Variants in TSGA10 observed in about 807,000 individuals in gnomAD.
TSGA10 encodes testis specific 10, also known as testis-specific gene 10 protein.
In TSGA10, 43 loss-of-function variants were observed where a neutral mutation model predicts 96.6. The ratio of observed to expected loss-of-function variants is 0.44; its 90% CI spans 0.35 to 0.57. The LOEUF is 0.57. Ranked by LOEUF, TSGA10 falls within the 20% of genes least tolerant of loss-of-function variation. TSGA10 has a pLI of 0.01. For missense variants in TSGA10, 703 were observed against 834.4 expected (o/e 0.84, Z 1.94); for synonymous variants, 229 against 269.9 (o/e 0.85, Z 1.48).
intron 16 of TSGA10, among the ~76,000 whole-genome samples, chr2:99,043,014 G>T (rs755226526): frequency 6.6e-6 from 1 of 151,958 alleles, no homozygotes; most frequent in Non-Finnish European, 1.5e-5. Context: ...TCTTTATTTT[G>T]TAAGATTGAG....
At chr2:99,128,494 G>C (rs998202146) in intron 1 of TSGA10, among the ~76,000 whole-genome samples, 4 of 152,162 alleles carry the variant, frequency 2.6e-5, no homozygotes, top group African/African-American at 9.7e-5. Context: ...CTGAATTTAA[G>C]AATCATCTGG....
chr2:99,116,725 G>GT (rs1212888200), intron 4 of TSGA10, among the ~76,000 whole-genome samples: 2 of 151,836 alleles, frequency 1.3e-5, no homozygotes, highest in Admixed American at 1.3e-4. Context: ...TCAAATGTTA[G>GT]TTAAAAAAAA....
Position 99,037,465 on chromosome 2 carries a change from C to G in TSGA10, c.1405-2026G>C, listed in dbSNP as rs1035195419. Among the ~76,000 whole-genome samples, 6 of 152,214 alleles carry G rather than the reference C, an allele frequency of 3.9e-5. No homozygotes were observed. In the East Asian group the frequency reaches 1.2e-3, roughly 29 times the overall value. On this transcript the variant is annotated intron_variant, in intron 16 of 20. Transcript: ENST00000393483. ...GAATGAAACAAAAATTAAAATATAA[C>G]TTACCAAAATTTGTGGCATGTAGTT...
chr2:99,139,529 A>G (rs1433792593), intron 1 of TSGA10, among the ~76,000 whole-genome samples: 2 of 152,326 alleles, frequency 1.3e-5, no homozygotes. Flanking sequence ...ATTGTCTCCA[A>G]AAGTGTAGAC....
intron 16 of TSGA10, among the ~76,000 whole-genome samples, chr2:99,063,393 C>T (rs2084909322): frequency 6.6e-6 from 1 of 152,082 alleles, no homozygotes; most frequent in African/African-American, 2.4e-5. Flanking sequence ...TATATCAGAA[C>T]TGAACATGTC....
intron 10 of TSGA10, among the ~76,000 whole-genome samples, chr2:99,088,119 T>C (rs1212209447): frequency 1.3e-5 from 2 of 152,216 alleles, no homozygotes; most frequent in Non-Finnish European, 2.9e-5. Flanking sequence ...ATTTTCTCAA[T>C]TCTCTCAAGG....
At chr2:99,136,508 A>G (rs1158671965) in intron 1 of TSGA10, among the ~76,000 whole-genome samples, 2 of 94,494 alleles carry the variant, frequency 2.1e-5, no homozygotes, top group South Asian at 3.6e-4. Context: ...CTACAAAAAA[A>G]GTATTTCTGC....
At chr2:99,078,362 C>T (rs1266028146) in intron 12 of TSGA10, among the ~76,000 whole-genome samples, 1 of 150,380 alleles carries the variant, frequency 6.6e-6, no homozygotes, top group Non-Finnish European at 1.5e-5. Flanking sequence ...AGAAATCAGT[C>T]TCACTACTTT....
chr2:99,003,277 C>T (rs1378933057), intron 20 of TSGA10, among the ~76,000 whole-genome samples: 3 of 152,196 alleles, frequency 2.0e-5, no homozygotes, highest in Non-Finnish European at 4.4e-5. Flanking sequence ...CCAATCAATA[C>T]AGGAGCACCC....
At chr2:99,142,772 T>A (rs11683107) in intron 1 of TSGA10, among the ~76,000 whole-genome samples, 79,205 of 152,064 alleles carry the variant, frequency 0.52, 22,133 homozygotes, top group Middle Eastern at 0.7. Flanking sequence ...TTATTTTGAA[T>A]ACATTATCTA....
intron 4 of TSGA10, among the ~76,000 whole-genome samples, chr2:99,114,626 C>T (rs756348109): frequency 3.9e-5 from 6 of 152,240 alleles, no homozygotes; most frequent in South Asian, 4.1e-4. Context: ...CTTTGCCAAA[C>T]CAGGCAAAAT....
At chr2:99,000,323 C>T (rs1157863949) in intron 20 of TSGA10, among the ~76,000 whole-genome samples, 2 of 148,748 alleles carry the variant, frequency 1.3e-5, no homozygotes, top group African/African-American at 5.1e-5. Flanking sequence ...CCCTGCCCAA[C>T]ATGGCAAACC....
chr2:99,139,146 C>T (rs2093432704), intron 1 of TSGA10, among the ~76,000 whole-genome samples: 1 of 152,030 alleles, frequency 6.6e-6, no homozygotes, highest in Admixed American at 6.6e-5. Flanking sequence ...ACCTGTGGTC[C>T]CAGCTACTTG....
chr2:99,015,283 T>G (rs2079404563), intron 20 of TSGA10, among the ~76,000 whole-genome samples: 1 of 152,132 alleles, frequency 6.6e-6, no homozygotes, highest in Non-Finnish European at 1.5e-5. Context: ...ATCAAAAAGA[T>G]AATACACCAT....
chr2:99,056,100 G>A (rs547449564), intron 16 of TSGA10, among the ~76,000 whole-genome samples: 2 of 151,892 alleles, frequency 1.3e-5, no homozygotes, highest in South Asian at 4.2e-4. Context: ...AGGTACTCGC[G>A]AGGCTGAGGC....
At chr2:99,100,616 C>G (rs1345829614) in intron 10 of TSGA10, among the ~76,000 whole-genome samples, 1 of 148,894 alleles carries the variant, frequency 6.7e-6, no homozygotes, top group Non-Finnish European at 1.5e-5. Flanking sequence ...GTCAGGAGAT[C>G]GAGACCATCC....
chr2:99,082,505 G>A lies in TSGA10; in HGVS notation c.612-1108C>T, dbSNP rs570883325. On this transcript the variant is annotated intron_variant, in intron 10 of 20. Coordinates refer to ENST00000393483, the MANE Select transcript of TSGA10 (RefSeq NM_025244.4). ...CTCTTAATTCGTCTCAAAGTGTGGC[G>A]TTTTCTCTAACTCGCTTGGGTATAA... Among the ~76,000 whole-genome samples the A allele has an allele frequency of 7.6e-4, 115 of 152,150 alleles. 1 individual carries two copies. Among genetic ancestry groups the A allele is most frequent in the Non-Finnish European group, 1.3e-3 (86 of 67,988 alleles).
At chr2:99,150,839 AT>A (rs756640722) in intron 1 of TSGA10, 11 of 1,557,598 alleles carry the variant, frequency 7.1e-6, no homozygotes, top group Non-Finnish European at 9.5e-6. Flanking sequence ...GAATGAAGCA[AT>A]TTGTACGTAT....
chr2:99,114,934 A>G (rs746763101), intron 4 of TSGA10, among the ~76,000 whole-genome samples: 23 of 151,924 alleles, frequency 1.5e-4, no homozygotes, highest in Non-Finnish European at 2.8e-4. Flanking sequence ...TTCAATATTG[A>G]TATATATATA....
Sources: gnomAD v4.1 joint callset for allele counts (sites outside exome capture counted in the v4.1 genomes callset) on GRCh38, gnomAD v4.1.1 for gene constraint, MANE v1.5 for transcripts, NCBI Gene and HGNC (gene_info 2026-07-23, HGNC 2026-07-21) for gene names.